ASXL3: variants seen among roughly 807,000 people sequenced by gnomAD.
ASXL3 encodes the protein putative Polycomb group protein ASXL3.
ASXL3 carries 34 observed loss-of-function variants against 170.6 expected under a neutral mutation model. The observed-to-expected ratio is 0.20, with a 90% CI of 0.15 to 0.27. The LOEUF (loss-of-function observed/expected upper bound fraction) is 0.27. Among genes scored for constraint, ASXL3 ranks in the 10% least tolerant of loss-of-function variants. The pLI, the probability that ASXL3 is intolerant of heterozygous loss-of-function variation, is 1.00. For missense variants in ASXL3, 2,592 were observed against 2,695.3 expected, an observed-to-expected ratio of 0.96 and a Z score of 0.85; for synonymous variants, 1,002 against 989.1, an observed-to-expected ratio of 1.01 and a Z score of -0.24.
chr18:33,727,481 A>G (rs2067371100), intron 8 of ASXL3, among the ~76,000 whole-genome samples: 1 of 152,140 alleles, frequency 6.6e-6, no homozygotes, highest in African/African-American at 2.4e-5. Flanking sequence ...CAAATGATAT[A>G]CTTACCAAGA....
chr18:33,670,776 C>A lies in ASXL3; in HGVS notation c.581C>A (p.Ser194Ter). 1 of 1,544,812 alleles carries A rather than the reference C, an allele frequency of 6.5e-7. No individual in the cohort carries two copies. The highest frequency in any genetic ancestry group is 1.2e-5 in the South Asian group (1 of 81,592). The change falls in exon 6 of 12, where the codon TCG becomes TAG. Residue 194 changes from serine to a stop codon, truncating the protein, a stop_gained. Transcript: ENST00000269197. LOFTEE classifies it high-confidence loss of function. ...LTPLKVSDEQ[S>*]DSPSGSESKN... ...CCATTAAAGGTGTCTGATGAGCAGT[C>A]GGATTCGCCTTCAGGTAAAGAGCTG...
At chr18:33,602,291 G>A (rs1339120500) in intron 1 of ASXL3, among the ~76,000 whole-genome samples, 3 of 152,062 alleles carry the variant, frequency 2.0e-5, no homozygotes, top group African/African-American at 7.2e-5. Context: ...GTAGGGGACA[G>A]CTATACAATA....
intron 1 of ASXL3, among the ~76,000 whole-genome samples, chr18:33,581,104 A>T (rs955507332): frequency 2.0e-5 from 3 of 152,158 alleles, no homozygotes; most frequent in Non-Finnish European, 4.4e-5. Context: ...TTACGTGAAT[A>T]CATATGGACT....
In ASXL3 at chr18:33,739,169, G is replaced by T; in HGVS notation, c.1765G>T (p.Ala589Ser). ...LEGQFPNEGI[A>S]IDMELQSDPE... is the part of the protein sequence containing the mutation. ...AGGCCAGTTTCCAAATGAAGGAATT[G>T]CTATAGATATGGAGCTACAGAGTGA... The change falls in exon 11 of 12, where the codon GCT becomes TCT. Residue 589 changes from alanine (A) to serine (S), a missense_variant. Around this residue, in one of 4 missense-constraint regions of ASXL3, gnomAD observed 2,246 missense variants for 2,219.6 expected, o/e 1.01. Coordinates refer to ENST00000269197, the MANE Select transcript of ASXL3 (RefSeq NM_030632.3). The T allele has an allele frequency of 3.1e-6, 5 of 1,613,780 alleles. No individual in the cohort carries two copies. Among genetic ancestry groups the T allele is most frequent in the Non-Finnish European group, 3.4e-6 (4 of 1,179,816 alleles).
At chr18:33,732,412 A>C (rs1012335844) in intron 9 of ASXL3, among the ~76,000 whole-genome samples, 2 of 152,194 alleles carry the variant, frequency 1.3e-5, no homozygotes, top group Non-Finnish European at 2.9e-5. Context: ...CTTCCGCGGA[A>C]GTTACTGCTT....
At chr18:33,646,882 G>GA (rs1410985423) in intron 4 of ASXL3, among the ~76,000 whole-genome samples, 1 of 100,466 alleles carries the variant, frequency 1.0e-5, no homozygotes, top group Non-Finnish European at 2.4e-5. Flanking sequence ...AGGGGGAGCG[G>GA]GGGGGGGGGG....
intron 8 of ASXL3, among the ~76,000 whole-genome samples, chr18:33,689,240 C>T (rs187449186): frequency 1.3e-4 from 20 of 152,266 alleles, no homozygotes; most frequent in Admixed American, 1.2e-3. Context: ...GTGATCCACC[C>T]GCCTCGGCCT....
At chr18:33,646,907 G>C (rs1449013672) in intron 4 of ASXL3, among the ~76,000 whole-genome samples, 1 of 142,848 alleles carries the variant, frequency 7.0e-6, no homozygotes, top group Non-Finnish European at 1.5e-5. Context: ...TTTCACCTCT[G>C]AATTTTATAT....
intron 6 of ASXL3, 50 bp from the exon 7 acceptor site, chr18:33,671,697 T>C (rs2066344328): frequency 6.7e-7 from 1 of 1,495,576 alleles, no homozygotes; most frequent in Non-Finnish European, 9.0e-7. Context: ...ATTTTTCTTT[T>C]CAAGGACAGC....
intron 2 of ASXL3, among the ~76,000 whole-genome samples, chr18:33,635,038 CAAATGAG>C (rs1363080530): frequency 2.0e-5 from 3 of 152,006 alleles, no homozygotes; most frequent in African/African-American, 7.2e-5. Context: ...GGGATCTTGA[CAAATGAG>C]TAGGAAGAGA....
chr18:33,639,076 C>T (rs1203999227), intron 2 of ASXL3, among the ~76,000 whole-genome samples: 2 of 152,072 alleles, frequency 1.3e-5, no homozygotes, highest in Admixed American at 6.6e-5. Context: ...TAATTTCTTT[C>T]CATTTGTCAT....
intron 4 of ASXL3, among the ~76,000 whole-genome samples, chr18:33,660,017 G>T (rs181098412): frequency 6.6e-6 from 1 of 152,120 alleles, no homozygotes; most frequent in African/African-American, 2.4e-5. Flanking sequence ...CTTTAGATAT[G>T]ATATTTTCTG....
rs577728566 is a variant in ASXL3, at chr18:33,749,551, C to G, written c.*2956C>G. On this transcript the variant is annotated 3_prime_UTR_variant, in exon 12 of 12. Coordinates refer to ENST00000269197, the MANE Select transcript of ASXL3 (RefSeq NM_030632.3). ...CTCCTCCTATAAGATATGCATATGC[C>G]TGAGGTGTATAAAGACATTTAGGTT... 2 of 151,800 alleles carry G rather than the reference C, an allele frequency of 1.3e-5. No homozygotes were observed. The highest frequency in any genetic ancestry group is 4.8e-5 in the African/African-American group (2 of 41,376). 9.4% of individuals were successfully genotyped at this position (151,800 alleles called of 1,614,324 possible).
At chr18:33,661,564 A>G in intron 4 of ASXL3, 52 bp from the exon 5 acceptor site, 1 of 1,527,686 alleles carries the variant, frequency 6.5e-7, no homozygotes, top group Non-Finnish European at 8.9e-7. Context: ...ATTACAGTGG[A>G]TATAAAAAAG....
chr18:33,715,193 G>T (rs943569324), intron 8 of ASXL3, among the ~76,000 whole-genome samples: 1 of 152,174 alleles, frequency 6.6e-6, no homozygotes. Flanking sequence ...TGACTAGGTT[G>T]TGCATGTGTG....
At chr18:33,737,671 A>G (rs1364870966) in intron 10 of ASXL3, among the ~76,000 whole-genome samples, 1 of 152,178 alleles carries the variant, frequency 6.6e-6, no homozygotes, top group Non-Finnish European at 1.5e-5. Flanking sequence ...AGCTGGTAGA[A>G]TAACTTTGAT....
chr18:33,662,023 T>C (rs2066182458), intron 5 of ASXL3, among the ~76,000 whole-genome samples: 1 of 152,154 alleles, frequency 6.6e-6, no homozygotes, highest in Non-Finnish European at 1.5e-5. Flanking sequence ...TTTATAGTAG[T>C]AAATCTGTTG....
At chr18:33,700,249 C>T (rs140169854) in intron 8 of ASXL3, among the ~76,000 whole-genome samples, 54 of 152,004 alleles carry the variant, frequency 3.6e-4, no homozygotes, top group Middle Eastern at 6.8e-3. Context: ...AAATAGGAAT[C>T]GGTGGCTTAC....
intron 7 of ASXL3, among the ~76,000 whole-genome samples, chr18:33,676,244 A>AAAAAAAAAAAAAAAAAAAAAAT (rs1568321496): frequency 6.7e-6 from 1 of 149,916 alleles, no homozygotes; most frequent in African/African-American, 2.4e-5. Context: ...AAAAAAAAAA[A>AAAAAAAAAAAAAAAAAAAAAAT]AAATTATTCA....
Sources: allele counts gnomAD v4.1 joint callset (sites outside exome capture counted in the v4.1 genomes callset), GRCh38; gene constraint gnomAD v4.1.1; regional missense constraint gnomAD v4.1.1; transcripts MANE v1.5; gene names NCBI Gene and HGNC (gene_info 2026-07-23, HGNC 2026-07-21).